The following INVS variants were observed in gnomAD, a reference collection of about 807,000 sequenced individuals.
INVS encodes the protein inversin, also known as inversion of embryo turning homolog.
Under a neutral mutation model 108.8 loss-of-function variants are expected in INVS, and 86 were observed. That is an observed-to-expected ratio of 0.79 (90% CI 0.66 to 0.95). The LOEUF (loss-of-function observed/expected upper bound fraction) is 0.95, where lower values mean the gene tolerates loss of function less well. Among genes scored for constraint, INVS ranks in the 40% least tolerant of loss-of-function variants. INVS has a pLI of 0.00. For missense variants in INVS, 1,169 were observed against 1,297.4 expected, an observed-to-expected ratio of 0.90 and a Z score of 1.52; for synonymous variants, 455 against 473.5, an observed-to-expected ratio of 0.96 and a Z score of 0.51.
intron 16 of INVS, 133 bp from the exon 17 acceptor site, chr9:100,300,435 C>A (rs751981456): frequency 8.7e-6 from 6 of 693,200 alleles, no homozygotes; most frequent in Non-Finnish European, 1.6e-5. Context: ...AGTCATCCTG[C>A]CTCTACAGTA....
At position 100,253,144 on chromosome 9, in the gene INVS, T is replaced by C. The variant is rs1176609838; in HGVS notation, c.1464+8T>C. 6.3e-7 allele frequency: 1 copy of C among 1,592,478 alleles called. No individual in the cohort carries two copies. The highest frequency in any genetic ancestry group is 1.7e-5 in the Admixed American group (1 of 59,966). On this transcript the variant is annotated splice_region_variant and intron_variant, in intron 10 of 16. Transcript: ENST00000262457. ...AACATTCAAGACAAAGAGGTAGAAA[T>C]TCTGTCTTTTCTATATTGTTTGCTC...
rs760093436 is a variant in INVS, at chr9:100,292,525, A to C, written c.2268A>C (p.Lys756Asn). 2.5e-6 allele frequency: 4 copies of C among 1,614,148 alleles called. No individual in the cohort carries two copies. The highest frequency in any genetic ancestry group is 3.4e-6 in the Non-Finnish European group (4 of 1,180,022). ...TCAGGGTGGCTGGGCCTGATGAGAA[A>C]GGAGAGGACTCCAGGCGGGCAGCTG... ...SCIRVAGPDE[K>N]GEDSRRAAAS... The change falls in exon 14 of 17, where the codon AAA (lysine) becomes AAC (asparagine). Residue 756 changes from lysine (K) to asparagine (N), a missense_variant. Around this residue, in one of 3 missense-constraint regions of INVS, gnomAD observed 533 missense variants for 536.0 expected, o/e 0.99. Coordinates refer to ENST00000262457, the MANE Select transcript of INVS (RefSeq NM_014425.5).
intron 5 of INVS, among the ~76,000 whole-genome samples, chr9:100,230,677 C>T (rs556962924): frequency 6.6e-6 from 1 of 152,166 alleles, no homozygotes; most frequent in South Asian, 2.1e-4. Context: ...CGCCACCGTG[C>T]CTGGCTAATT....
At chr9:100,161,481 G>A (rs846770) in intron 3 of INVS, among the ~76,000 whole-genome samples, 104,116 of 151,604 alleles carry the variant, frequency 0.69, 36,789 homozygotes, top group East Asian at 0.91. Flanking sequence ...CTTATAATTC[G>A]TTCCTTAGGA....
intron 3 of INVS, among the ~76,000 whole-genome samples, chr9:100,163,750 T>C (rs1353504587): frequency 6.6e-6 from 1 of 152,200 alleles, no homozygotes; most frequent in African/African-American, 2.4e-5. Flanking sequence ...GGAGAGAATA[T>C]GCCAAGTGCA....
chr9:100,266,482 A>G (rs1444190068), intron 11 of INVS, among the ~76,000 whole-genome samples: 1 of 152,120 alleles, frequency 6.6e-6, no homozygotes, highest in Non-Finnish European at 1.5e-5. Flanking sequence ...CAACTTTGCT[A>G]TGGCATTTGT....
At chr9:100,280,908 G>GGAA (rs1833254392) in intron 12 of INVS, among the ~76,000 whole-genome samples, 1 of 151,992 alleles carries the variant, frequency 6.6e-6, no homozygotes, top group African/African-American at 2.4e-5. Flanking sequence ...GGCAACATAG[G>GGAA]GAGACCTTGT....
chr9:100,167,735 C>T (rs559446489), intron 3 of INVS, among the ~76,000 whole-genome samples: 2 of 152,152 alleles, frequency 1.3e-5, no homozygotes, highest in East Asian at 3.9e-4. Flanking sequence ...ACTAATTTAT[C>T]CCCATTGCCT....
chr9:100,234,346 T>C (rs1485863277), intron 5 of INVS, among the ~76,000 whole-genome samples: 1 of 152,204 alleles, frequency 6.6e-6, no homozygotes, highest in Non-Finnish European at 1.5e-5. Flanking sequence ...TTGAAGGATT[T>C]CTCATGTTTC....
intron 3 of INVS, among the ~76,000 whole-genome samples, chr9:100,218,454 A>T (rs1831054501): frequency 6.6e-6 from 1 of 152,332 alleles, no homozygotes. Context: ...CTGAAGAGGA[A>T]GCAAATAGCA....
chr9:100,172,952 A>G (rs765820950), intron 3 of INVS, among the ~76,000 whole-genome samples: 9 of 152,034 alleles, frequency 5.9e-5, no homozygotes, highest in Non-Finnish European at 1.2e-4. Flanking sequence ...GTCCCAGGTT[A>G]TAATAGTTGG....
chr9:100,268,319 A>G (rs1832854138), intron 11 of INVS, among the ~76,000 whole-genome samples: 1 of 152,216 alleles, frequency 6.6e-6, no homozygotes, highest in Admixed American at 6.5e-5. Context: ...TCAAGAATCA[A>G]TATTATTATC....
In INVS at chr9:100,103,710, G is replaced by T. The variant is rs1346295175; in HGVS notation, c.-24-788G>T. The stretch of plus-strand genomic sequence containing the variant: ...GGGAGGGGAGGGGAGGCGAGGGGAA[G>T]GGAGGGGAGGGGATGGGATTTGTAG... On this transcript the variant is annotated intron_variant, in intron 1 of 16. Coordinates refer to ENST00000262457, the MANE Select transcript of INVS (RefSeq NM_014425.5). Among the ~76,000 whole-genome samples the T allele has an allele frequency of 3.4e-5, 5 of 148,408 alleles. No homozygotes were observed. In the East Asian group the frequency reaches 1.0e-3, roughly 30 times the overall value.
intron 3 of INVS, among the ~76,000 whole-genome samples, chr9:100,224,538 T>C (rs1831247271): frequency 6.6e-6 from 1 of 152,122 alleles, no homozygotes; most frequent in Non-Finnish European, 1.5e-5. Flanking sequence ...TGTTCAAAGC[T>C]GCCATGTTAC....
intron 2 of INVS, among the ~76,000 whole-genome samples, chr9:100,109,756 C>A (rs941487075): frequency 6.6e-6 from 1 of 152,192 alleles, no homozygotes; most frequent in African/African-American, 2.4e-5. Context: ...ACCTCTGCCT[C>A]CCTGGTTCAA....
intron 8 of INVS, among the ~76,000 whole-genome samples, chr9:100,248,023 G>T (rs1176674794): frequency 1.3e-5 from 2 of 151,726 alleles, no homozygotes; most frequent in South Asian, 2.1e-4. Context: ...TCACCATGTT[G>T]CCCAGGCTGG....
intron 3 of INVS, among the ~76,000 whole-genome samples, chr9:100,133,829 C>A (rs1418973344): frequency 7.6e-6 from 1 of 131,126 alleles, no homozygotes; most frequent in Non-Finnish European, 1.6e-5. Flanking sequence ...CATCTCAATT[C>A]ATGCTCCCAG....
chr9:100,159,705 A>G (rs1327561595), intron 3 of INVS, among the ~76,000 whole-genome samples: 1 of 152,208 alleles, frequency 6.6e-6, no homozygotes, highest in Non-Finnish European at 1.5e-5. Flanking sequence ...TTAAAATGTT[A>G]TATCTGAGTT....
At chr9:100,139,986 A>G (rs1828371089) in intron 3 of INVS, among the ~76,000 whole-genome samples, 4 of 152,328 alleles carry the variant, frequency 2.6e-5, no homozygotes, top group Admixed American at 2.0e-4. Flanking sequence ...AATTTTGTAC[A>G]TTCGTTATGT....
Sources: allele counts gnomAD v4.1 joint callset (sites outside exome capture counted in the v4.1 genomes callset), GRCh38; gene constraint gnomAD v4.1.1; regional missense constraint gnomAD v4.1.1; transcripts MANE v1.5; gene names NCBI Gene and HGNC (gene_info 2026-07-23, HGNC 2026-07-21).